Variants in TPM4 observed in about 807,000 individuals in gnomAD.
TPM4 encodes the protein tropomyosin 4.
In TPM4, 17 loss-of-function variants were observed where a neutral mutation model predicts 35.8. That is an observed-to-expected ratio of 0.47 (90% CI 0.32 to 0.71). The LOEUF is 0.71. TPM4 is among the 30% of genes least tolerant of loss of function. The pLI, the probability that TPM4 is intolerant of heterozygous loss-of-function variation, is 0.03. For synonymous variants in TPM4, 120 were observed against 122.9 expected, an observed-to-expected ratio of 0.98 and a Z score of 0.15; for missense variants, 240 against 320.9, an observed-to-expected ratio of 0.75 and a Z score of 1.93.
Position 16,081,931 on chromosome 19 carries a change from G to A in TPM4, c.151G>A (p.Ala51Thr), listed in dbSNP as rs777818913. Residue 51 changes from alanine to threonine, a missense_variant, in exon 2 of 8, where the codon GCC becomes ACC. Ala to Thr is a moderately conservative substitution (Grantham distance 58). Transcript: ENST00000643579. ...TCCCCAGGCTGAAGGTGATGTGGCC[G>A]CCCTCAACCGACGCATCCAGCTCGT... ...RREKAEGDVAALNRRIQLVEE... is the reference protein window; with the variant it reads ...RREKAEGDVATLNRRIQLVEE... The A allele has an allele frequency of 3.8e-6, 6 of 1,599,104 alleles. No individual in the cohort carries two copies. Among genetic ancestry groups the A allele is most frequent in the Middle Eastern group, 1.7e-4 (1 of 5,760 alleles).
chr19:16,088,845 G>C, intron 4 of TPM4, 200 bp from the exon 5 acceptor site: 3 of 1,377,610 alleles, frequency 2.2e-6, no homozygotes, highest in Non-Finnish European at 2.8e-6. Context: ...CCTCGCCTCT[G>C]CCTGGTATGA....
chr19:16,073,692 T>C (rs570914690), upstream of TPM4, among the ~76,000 whole-genome samples: 1 of 152,008 alleles, frequency 6.6e-6, no homozygotes, highest in South Asian at 2.1e-4. Flanking sequence ...CCCTGCTCTC[T>C]GTCACATCTC....
At chr19:16,076,217 AG>A, upstream of TPM4, 1 of 1,549,246 alleles carries the variant, frequency 6.5e-7, no homozygotes. Context: ...GCCAGGCCGG[AG>A]CCCCGGGGCC....
At chr19:16,080,269 CACTTCCCCCAGTGGGGCCCCTCGGTT>C (rs2090466989) in intron 1 of TPM4, 1 of 206,888 alleles carries the variant, frequency 4.8e-6, no homozygotes, top group East Asian at 7.3e-5. Context: ...TGAATAAAAC[CACTTCCCCCAGTGGGGCCCCTCGGTT>C]TCTTCACCTG....
chr19:16,086,360 T>G, intron 2 of TPM4, 63 bp from the exon 3 acceptor site: 1 of 1,412,462 alleles, frequency 7.1e-7, no homozygotes, highest in Non-Finnish European at 1.0e-6. Flanking sequence ...AAAGAAAAGA[T>G]AGATGAGAGG....
chr19:16,101,105 A>G (rs1205182775), intron 7 of TPM4, 159 bp from the exon 8 acceptor site: 13 of 497,832 alleles, frequency 2.6e-5, no homozygotes, highest in South Asian at 5.3e-5. Flanking sequence ...TGGCAGGTGA[A>G]GGTTGCAGTG....
rs547671042 is a variant in TPM4 at position 16,093,882 on chromosome 19, A to G, written c.664+129A>G. On this transcript the variant is annotated intron_variant, in intron 7 of 7. Coordinates refer to ENST00000643579, the MANE Select transcript of TPM4 (RefSeq NM_003290.3). ...TTTGCCTTAGGAAAGTAAAGCGCAT[A>G]GTGATGTCATATCTGGATGTCCTGG... 1.3e-5 allele frequency: 11 copies of G among 829,012 alleles called. No individual in the cohort carries two copies. In the Admixed American group the frequency reaches 1.8e-4, roughly 14 times the overall value. 51.4% of individuals were successfully genotyped at this position (829,012 alleles called of 1,614,324 possible).
chr19:16,096,936 C>CTTTTTTTCTTTT (rs2090705707), intron 7 of TPM4, among the ~76,000 whole-genome samples: 4 of 69,050 alleles, frequency 5.8e-5, no homozygotes, highest in African/African-American at 2.2e-4. Flanking sequence ...CAAGGTCACT[C>CTTTTTTTCTTTT]TTTTTTTTTT....
chr19:16,076,885 C>T, intron 1 of TPM4, 188 bp downstream of exon 1: 9 of 1,206,138 alleles, frequency 7.5e-6, no homozygotes, highest in Non-Finnish European at 9.4e-6. Flanking sequence ...CGCCGTCCTC[C>T]TTCCTGGGCC....
upstream of TPM4, chr19:16,074,872 A>C (rs2090388803): frequency 6.6e-6 from 1 of 152,326 alleles, no homozygotes; most frequent in Non-Finnish European, 1.5e-5. Context: ...CGGGCAGATC[A>C]CTTGAGGTCA....
chr19:16,087,932 G>C, intron 3 of TPM4, 95 bp from the exon 4 acceptor site: 1 of 1,316,612 alleles, frequency 7.6e-7, no homozygotes, highest in Non-Finnish European at 1.1e-6. Context: ...TGGTCTAGGG[G>C]TCTGGGTGGG....
chr19:16,093,514 A>G, intron 5 of TPM4, 22 bp from the exon 6 acceptor site: 1 of 1,613,722 alleles, frequency 6.2e-7, no homozygotes, highest in Non-Finnish European at 8.5e-7. Context: ...TTCTTAAAGC[A>G]GTGTTTTGGT....
intron 2 of TPM4, among the ~76,000 whole-genome samples, chr19:16,085,472 A>G (rs1295660888): frequency 5.3e-5 from 8 of 151,872 alleles, no homozygotes; most frequent in Non-Finnish European, 1.2e-4. Context: ...AGGCCGAGGC[A>G]ACAGGATTGC....
At position 16,083,890 on chromosome 19, in the gene TPM4, C is replaced by T. The variant is rs145324314; in HGVS notation, c.266+1844C>T. Among the ~76,000 whole-genome samples the T allele has an allele frequency of 3.4e-3, 512 of 152,060 alleles. 6 individuals are homozygous for T. In the Middle Eastern group the frequency reaches 0.034, roughly 10 times the overall value. ...CCTCCCGCCACGGCCTCCAGAGTTCCAGAGTAAAGCTGGGACTACAGGCGC... is the reference window on the plus strand; with the variant it reads ...CCTCCCGCCACGGCCTCCAGAGTTCTAGAGTAAAGCTGGGACTACAGGCGC... On this transcript the variant is annotated intron_variant, in intron 2 of 7. Transcript: ENST00000643579.
upstream of TPM4, among the ~76,000 whole-genome samples, chr19:16,072,083 G>A (rs1011716261): frequency 2.6e-5 from 4 of 152,248 alleles, no homozygotes; most frequent in African/African-American, 9.6e-5. Context: ...GCCTCCCGTA[G>A]TGCTGGAATT....
At chr19:16,071,021 A>G (rs528410744) in intron 2 of TPM4, among the ~76,000 whole-genome samples, 2 of 152,334 alleles carry the variant, frequency 1.3e-5, no homozygotes, top group African/African-American at 4.8e-5. Context: ...CACAAGTTCA[A>G]AAAGGAAGAA....
upstream of TPM4, among the ~76,000 whole-genome samples, chr19:16,072,372 G>A (rs2090363924): frequency 1.3e-5 from 2 of 152,358 alleles, no homozygotes; most frequent in South Asian, 4.1e-4. Context: ...GCTCAGGGCA[G>A]CAGAGCAGGC....
At chr19:16,077,101 G>A (rs1057241377) in intron 1 of TPM4, 3 of 163,418 alleles carry the variant, frequency 1.8e-5, no homozygotes, top group African/African-American at 4.8e-5. Context: ...GGAGAATGAG[G>A]ATGAAAACGT....
At position 16,088,178 on chromosome 19, in the gene TPM4, G is replaced by C. The variant is rs1484949994; in HGVS notation, c.455+81G>C. 1.0e-5 allele frequency: 16 copies of C among 1,538,414 alleles called. No homozygotes were observed. In the East Asian group the frequency reaches 3.8e-4, roughly 37 times the overall value. On this transcript the variant is annotated intron_variant, in intron 4 of 7. Transcript: ENST00000643579. ...AAGGAGCTGGCTGTGTTGGGAATTG[G>C]CTCTGACCGGGGTCTCTGCTCAAGT...
Sources: gnomAD v4.1 joint callset for allele counts (sites outside exome capture counted in the v4.1 genomes callset) on GRCh38, gnomAD v4.1.1 for gene constraint, MANE v1.5 for transcripts, NCBI Gene and HGNC (gene_info 2026-07-23, HGNC 2026-07-21) for gene names.